Variants in CNTN1 observed in about 807,000 individuals in gnomAD.
CNTN1 encodes contactin-1.
CNTN1 carries 38 observed loss-of-function variants against 126.4 expected under a neutral mutation model. The ratio of observed to expected loss-of-function variants is 0.30; its 90% CI spans 0.23 to 0.39. The LOEUF is 0.39. Ranked by LOEUF, CNTN1 falls within the 10% of genes least tolerant of loss-of-function variation. CNTN1 has a pLI of 1.00. For synonymous variants in CNTN1, 413 were observed against 422.6 expected, an observed-to-expected ratio of 0.98 and a Z score of 0.28; for missense variants, 1,009 against 1,248.4, an observed-to-expected ratio of 0.81 and a Z score of 2.89.
At chr12:40,748,593 TGCTAA>T (rs1938275573) in intron 1 of CNTN1, among the ~76,000 whole-genome samples, 1 of 152,302 alleles carries the variant, frequency 6.6e-6, no homozygotes, top group East Asian at 1.9e-4. Context: ...ACATTGTTGT[TGCTAA>T]GCTATTTAAA....
Position 41,025,141 on chromosome 12 carries a change from T to C in CNTN1, c.2524-9T>C, listed in dbSNP as rs754041529. ...ATGGCAAAATATAACTCATCCTGAA[T>C]GTTTGCAGATTCGGTATTGGGCTGC... On this transcript the variant is annotated splice_polypyrimidine_tract_variant and intron_variant, in intron 20 of 23. Transcript: ENST00000551295. 2 of 1,613,688 alleles carry C rather than the reference T, an allele frequency of 1.2e-6. No homozygotes were observed. The highest frequency in any genetic ancestry group is 1.1e-5 in the South Asian group (1 of 91,080).
At chr12:40,993,438 G>T (rs1432925463) in intron 17 of CNTN1, among the ~76,000 whole-genome samples, 169 bp downstream of exon 17, 1 of 152,022 alleles carries the variant, frequency 6.6e-6, no homozygotes, top group South Asian at 2.1e-4. Context: ...GAGGAAATAT[G>T]AAGTTTAAGA....
rs547467864 is a variant in CNTN1, at chr12:41,025,154, G to A, written c.2528G>A (p.Arg843Gln). 14 of 1,613,696 alleles carry A rather than the reference G, an allele frequency of 8.7e-6. No individual in the cohort carries two copies. The highest frequency in any genetic ancestry group is 6.7e-5 in the Admixed American group (4 of 59,988). The change falls in exon 21 of 24, where the codon CGG (arginine) becomes CAG (glutamine). Residue 843 changes from arginine (R) to glutamine (Q), a missense_variant. Transcript: ENST00000551295. ...ACTCATCCTGAATGTTTGCAGATTCGGTATTGGGCTGCCCATGACAAAGAA... is the reference window on the plus strand; with the variant it reads ...ACTCATCCTGAATGTTTGCAGATTCAGTATTGGGCTGCCCATGACAAAGAA... ...LEKIVESYQI[R>Q]YWAAHDKEEA... is the part of the protein sequence containing the mutation.
intron 1 of CNTN1, among the ~76,000 whole-genome samples, chr12:40,799,582 C>A (rs899220042): frequency 6.6e-6 from 1 of 152,058 alleles, no homozygotes; most frequent in African/African-American, 2.4e-5. Context: ...TGAGACCTGA[C>A]AAAACAAAAG....
At chr12:40,901,314 G>T (rs755161992) in intron 1 of CNTN1, among the ~76,000 whole-genome samples, 1 of 152,102 alleles carries the variant, frequency 6.6e-6, no homozygotes, top group Non-Finnish European at 1.5e-5. Context: ...TCAAAAATTA[G>T]CATATTTTTA....
At chr12:41,002,543 CTA>C (rs1330149863) in intron 17 of CNTN1, among the ~76,000 whole-genome samples, 2 of 148,182 alleles carry the variant, frequency 1.3e-5, no homozygotes, top group Non-Finnish European at 3.0e-5. Flanking sequence ...TGGGCTGAGA[CTA>C]TAGGGTTTCT....
intron 1 of CNTN1, among the ~76,000 whole-genome samples, chr12:40,837,322 G>C (rs979755477): frequency 1.1e-4 from 16 of 152,036 alleles, no homozygotes; most frequent in Admixed American, 9.2e-4. Flanking sequence ...AAGGAGAAGG[G>C]AGAGAGAGAC....
chr12:40,852,886 A>C (rs1379397456), intron 1 of CNTN1, among the ~76,000 whole-genome samples: 1 of 139,556 alleles, frequency 7.2e-6, no homozygotes, highest in Non-Finnish European at 1.5e-5. Context: ...TCCTTATTGC[A>C]TAGTTTTTTT....
chr12:41,011,750 G>C (rs1003210743), intron 17 of CNTN1, among the ~76,000 whole-genome samples: 3 of 152,206 alleles, frequency 2.0e-5, no homozygotes, highest in Non-Finnish European at 4.4e-5. Flanking sequence ...AATGGAGGAA[G>C]CGTGCTGGTT....
intron 1 of CNTN1, among the ~76,000 whole-genome samples, chr12:40,864,820 A>C (rs1364532973): frequency 3.3e-5 from 5 of 151,938 alleles, no homozygotes; most frequent in Non-Finnish European, 7.4e-5. Context: ...TTGTGTAGAT[A>C]TATGTTTTTA....
chr12:40,803,562 T>G (rs1940732312), intron 1 of CNTN1, among the ~76,000 whole-genome samples: 1 of 152,046 alleles, frequency 6.6e-6, no homozygotes. Context: ...TTTATTTTGA[T>G]GCAAAAATAA....
intron 1 of CNTN1, among the ~76,000 whole-genome samples, chr12:40,851,972 C>T (rs1012677607): frequency 2.0e-5 from 3 of 152,130 alleles, no homozygotes; most frequent in Non-Finnish European, 2.9e-5. Flanking sequence ...GACATCTTTC[C>T]GGTGCCTGTA....
intron 1 of CNTN1, among the ~76,000 whole-genome samples, chr12:40,770,436 A>C (rs1001039868): frequency 6.6e-6 from 1 of 152,174 alleles, no homozygotes; most frequent in Non-Finnish European, 1.5e-5. Context: ...ATTTTCAGTA[A>C]TAAAGCATAT....
At chr12:40,880,507 A>C (rs1418636873) in intron 1 of CNTN1, among the ~76,000 whole-genome samples, 1 of 152,020 alleles carries the variant, frequency 6.6e-6, no homozygotes, top group Non-Finnish European at 1.5e-5. Flanking sequence ...AATGATATAG[A>C]AGTGAGAATG....
At chr12:41,033,621 A>G (rs1325689153) in intron 23 of CNTN1, among the ~76,000 whole-genome samples, 1 of 152,168 alleles carries the variant, frequency 6.6e-6, no homozygotes, top group African/African-American at 2.4e-5. Context: ...TTAAGGTAGG[A>G]GTAACATGAT....
chr12:41,023,300 A>C (rs938267802), intron 20 of CNTN1, among the ~76,000 whole-genome samples: 9 of 152,202 alleles, frequency 5.9e-5, no homozygotes, highest in African/African-American at 2.2e-4. Flanking sequence ...TTCAAATGAG[A>C]ATTGTGAGCA....
Position 41,070,178 on chromosome 12 carries a change from C to T in CNTN1, c.*143C>T. 1 of 747,832 alleles carries T rather than the reference C, an allele frequency of 1.3e-6. No homozygotes were observed. The highest frequency in any genetic ancestry group is 2.7e-5 in the East Asian group (1 of 37,662). 46.3% of individuals were successfully genotyped at this position (747,832 alleles called of 1,614,324 possible). A position where few individuals can be genotyped will look rare whatever the true frequency, so the allele number is the denominator to read the frequency against. On this transcript the variant is annotated 3_prime_UTR_variant, in exon 24 of 24. Coordinates refer to ENST00000551295, the MANE Select transcript of CNTN1 (RefSeq NM_001843.4). ...AACAAACTATTCAACTGATTTACAA[C>T]ACACATGATGACTGAGGCATTCGGG...
intron 15 of CNTN1, among the ~76,000 whole-genome samples, chr12:40,973,098 T>TAGA (rs991595408): frequency 3.3e-5 from 5 of 152,186 alleles, no homozygotes; most frequent in African/African-American, 7.2e-5. Flanking sequence ...CAATATCAAG[T>TAGA]AGAAGAATTA....
rs1252792148 is a variant in CNTN1, at chr12:41,056,998, A to AT, written c.2981-12961_2981-12960insT. Among the ~76,000 whole-genome samples, 117 of 82,488 alleles carry AT rather than the reference A, an allele frequency of 1.4e-3. 5 individuals are homozygous for AT. The highest frequency in any genetic ancestry group is 5.2e-3 in the African/African-American group (73 of 13,974). 54.1% of individuals were successfully genotyped at this position (82,488 alleles called of 152,430 possible). A position where few individuals can be genotyped will look rare whatever the true frequency, so the allele number is the denominator to read the frequency against. On this transcript the variant is annotated intron_variant, in intron 23 of 23. Transcript: ENST00000551295. The stretch of plus-strand genomic sequence containing the variant: ...ATATTTAGATATTTATAAATATTAT[A>AT]AATATTTAGATATTTATAAATGATA...
Sources: gnomAD v4.1 joint callset for allele counts (sites outside exome capture counted in the v4.1 genomes callset) on GRCh38, gnomAD v4.1.1 for gene constraint, MANE v1.5 for transcripts, NCBI Gene and HGNC (gene_info 2026-07-23, HGNC 2026-07-21) for gene names.